The following LAMA5 variants were observed in gnomAD, a reference collection of about 807,000 sequenced individuals.
LAMA5 encodes the protein laminin subunit alpha 5, also known as laminin subunit alpha-5.
LAMA5 carries 260 observed loss-of-function variants against 433.4 expected under a neutral mutation model. That is an observed-to-expected ratio of 0.60 (90% confidence interval 0.54 to 0.66). LAMA5 has a LOEUF of 0.66. Among genes scored for constraint, LAMA5 ranks in the 30% least tolerant of loss-of-function variants. The pLI is 0.00. For missense variants in LAMA5, 5,378 were observed against 5,258.5 expected, an observed-to-expected ratio of 1.02 and a Z score of -0.70; for synonymous variants, 2,620 against 2,226.6, an observed-to-expected ratio of 1.18 and a Z score of -4.97.
In LAMA5 at chr20:62,351,896, ATGGGCAGCTCACCCGGCGGGTGACCG is replaced by A; in HGVS notation, c.845_858+12del. On this transcript the variant is annotated splice_donor_variant and splice_donor_5th_base_variant and coding_sequence_variant and intron_variant, in exon 5 of 80. Transcript: ENST00000252999. LOFTEE classifies it high-confidence loss of function. ...CCAGTCCCCCTCCCCCGCCTGCGCC[ATGGGCAGCTCACCCGGCGGGTGACCG>A]TGGGGTCCCGCAGCGCCTTCCCCAT... 6.3e-7 allele frequency: 1 copy of A among 1,591,186 alleles called. No homozygotes were observed. Among genetic ancestry groups the A allele is most frequent in the Non-Finnish European group, 8.5e-7 (1 of 1,170,276 alleles).
At chr20:62,323,284 G>A (rs539689676) in intron 45 of LAMA5, among the ~76,000 whole-genome samples, 172 bp downstream of exon 45, 3 of 151,840 alleles carry the variant, frequency 2.0e-5, no homozygotes, top group Admixed American at 6.5e-5. Context: ...CGGGAGGACC[G>A]GATCATAGCG....
Position 62,313,080 on chromosome 20 carries a change from T to A in LAMA5, c.8955+8A>T, listed in dbSNP as rs747440753. The A allele has an allele frequency of 6.2e-7, 1 of 1,608,594 alleles. No homozygotes were observed. Among genetic ancestry groups the A allele is most frequent in the African/African-American group, 1.3e-5 (1 of 75,026 alleles). On this transcript the variant is annotated splice_region_variant and intron_variant, in intron 65 of 79. Coordinates refer to ENST00000252999, the MANE Select transcript of LAMA5 (RefSeq NM_005560.6). ...GTGGGGATGGCAGGACGGGTGTGCC[T>A]GGCGCACCTGCTGCTTCAGGAAGAA...
intron 2 of LAMA5, among the ~76,000 whole-genome samples, chr20:62,355,649 T>A (rs1985089636): frequency 6.6e-6 from 1 of 151,900 alleles, no homozygotes; most frequent in Non-Finnish European, 1.5e-5. Context: ...TCTACCTCCC[T>A]GTGGGTGGGG....
Position 62,317,231 on chromosome 20 carries a change from C to G in LAMA5, c.7511+114G>C, listed in dbSNP as rs181366084. ...CGTGGAGCTGAGGAAGGCCTGGCTT[C>G]TTTGAGGACAACGGCCTCAGCCCCT... On this transcript the variant is annotated intron_variant, in intron 55 of 79. Transcript: ENST00000252999. The G allele has an allele frequency of 3.7e-4, 470 of 1,282,952 alleles. 2 individuals carry two copies. In the African/African-American group the frequency reaches 6.4e-3, roughly 17 times the overall value. The allele number at this position is 1,282,952 out of a possible 1,614,324, so 79.5% of individuals were successfully genotyped here.
At chr20:62,340,305 G>GTTTTTTTTTT (rs34415039) in intron 11 of LAMA5, among the ~76,000 whole-genome samples, 5 of 99,464 alleles carry the variant, frequency 5.0e-5, no homozygotes, top group Non-Finnish European at 7.4e-5. Flanking sequence ...AGCCTCCTTT[G>GTTTTTTTTTT]TTTTTTTTTT....
At chr20:62,351,280 A>C in intron 6 of LAMA5, 1 of 247,502 alleles carries the variant, frequency 4.0e-6, no homozygotes, top group Non-Finnish European at 8.0e-6. Context: ...CCCCAAAGTG[A>C]ATTAGGGCTG....
Position 62,336,780 on chromosome 20 carries a change from G to C in LAMA5, c.2171C>G (p.Ser724Cys). 1 of 1,612,682 alleles carries C rather than the reference G, an allele frequency of 6.2e-7. No individual in the cohort carries two copies. Among genetic ancestry groups the C allele is most frequent in the Non-Finnish European group, 8.5e-7 (1 of 1,179,972 alleles). The change falls in exon 17 of 80, where the codon TCT becomes TGT. Residue 724 changes from serine (S) to cysteine (C), a missense_variant. By Grantham distance (112) the Ser-to-Cys change is moderately radical. Transcript: ENST00000252999. ...AYNFPYCEAG[S>C]CHPAGLAPVD... is the part of the protein sequence containing the mutation. ...TGGGGCCAGACCGGCAGGGTGGCAA[G>C]AGCCAGCTGTGAAGAGAGGACCATG... is the stretch of plus-strand genomic sequence containing the variant.
In LAMA5 at chr20:62,333,821, G is replaced by T. The variant is rs1378901587; in HGVS notation, c.2878+80C>A. 1.1e-5 allele frequency: 15 copies of T among 1,425,974 alleles called. No individual in the cohort carries two copies. In the Admixed American group the frequency reaches 3.0e-4, roughly 29 times the overall value. 88.3% of individuals were successfully genotyped at this position (1,425,974 alleles called of 1,614,324 possible). On this transcript the variant is annotated intron_variant, in intron 23 of 79. Transcript: ENST00000252999. ...TACCACCCACATGAGCCAGAGGAAG[G>T]TGGCGGGGCTTGGGAGTGGGGTGGG...
Position 62,333,663 on chromosome 20 carries a change from C to T in LAMA5, c.2922G>A (p.Glu974=). The T allele has an allele frequency of 1.9e-6, 3 of 1,594,646 alleles. No homozygotes were observed. The highest frequency in any genetic ancestry group is 2.6e-6 in the Non-Finnish European group (3 of 1,172,356). ...TCTGGGGCACGGTGATGAAGGCAGGCTCCGTGCTGGGTGGGAAGGCCACGG... is the reference window on the plus strand; with the variant it reads ...TCTGGGGCACGGTGATGAAGGCAGGTTCCGTGCTGGGTGGGAAGGCCACGG... ...SQPVAFPPST[E]PAFITVPQRG... The change falls in exon 24 of 80, where the codon GAG becomes GAA. Residue 974 remains glutamate, a synonymous_variant. Coordinates refer to ENST00000252999, the MANE Select transcript of LAMA5 (RefSeq NM_005560.6).
rs1477221939 is a variant in LAMA5 at position 62,325,418 on chromosome 20, G to A, written c.5427C>T (p.Arg1809=). 1.2e-6 allele frequency: 2 copies of A among 1,612,164 alleles called. No homozygotes were observed. The highest frequency in any genetic ancestry group is 1.7e-5 in the Admixed American group (1 of 59,954). The stretch of plus-strand genomic sequence containing the variant: ...GGCTGGCCACCTCCAGTGCCACCCT[G>A]CGCAGGAAGACAGCCGAGGAGATCT... ...FSQISSAVFL[R]RVALEVASPA... is the part of the protein sequence containing the mutation. Residue 1809 remains arginine, a synonymous_variant, in exon 41 of 80, where the codon CGC becomes CGT. Transcript: ENST00000252999.
intron 48 of LAMA5, 66 bp from the exon 49 acceptor site, chr20:62,320,956 G>A: frequency 2.6e-6 from 4 of 1,530,912 alleles, no homozygotes; most frequent in Non-Finnish European, 3.5e-6. Context: ...GATCAGCTGG[G>A]GCCCTGGGGT....
chr20:62,312,184 G>C lies in LAMA5; in HGVS notation c.9493C>G (p.Arg3165Gly). 1 of 1,610,504 alleles carries C rather than the reference G, an allele frequency of 6.2e-7. No individual in the cohort carries two copies. Among genetic ancestry groups the C allele is most frequent in the Non-Finnish European group, 8.5e-7 (1 of 1,179,170 alleles). Residue 3165 changes from arginine (R) to glycine (G), a missense_variant, in exon 69 of 80, where the codon CGG (arginine) becomes GGG (glycine). By Grantham distance (125) the Arg-to-Gly change is moderately radical. Coordinates refer to ENST00000252999, the MANE Select transcript of LAMA5 (RefSeq NM_005560.6). ...SAQDSALLYY[R>G]ASPDGLCQVS... ...GTGTGAGGTCTCACCGGGGACGCCC[G>C]GTAGTAGAGCAGGGCACTGTCCTGG...
Position 62,310,779 on chromosome 20 carries a change from G to A in LAMA5, c.10332C>T (p.Ala3444=). ...KNRILLVTDG[A]RAWSQEGPHR... ...GCGGCCCCTCCTGGCTCCAGGCCCG[G>A]GCCCCGTCCGTCACCAGCAGGATCC... The change falls in exon 75 of 80, where the codon GCC becomes GCT. Residue 3444 remains alanine (A), a synonymous_variant. Transcript: ENST00000252999. 1 of 1,552,858 alleles carries A rather than the reference G, an allele frequency of 6.4e-7. No individual in the cohort carries two copies. Among genetic ancestry groups the A allele is most frequent in the Non-Finnish European group, 8.7e-7 (1 of 1,149,980 alleles).
rs1383732371 is a variant in LAMA5, at chr20:62,327,749, G to A, written c.4798-80C>T. ...GGTTCCTGGTACCCACCTGCCAATG[G>A]GGATGACTCTCCCAAAAGCTTCTAG... On this transcript the variant is annotated intron_variant, in intron 36 of 79. Coordinates refer to ENST00000252999, the MANE Select transcript of LAMA5 (RefSeq NM_005560.6). 8 of 1,587,324 alleles carry A rather than the reference G, an allele frequency of 5.0e-6. No homozygotes were observed. In the Admixed American group the frequency reaches 1.2e-4, roughly 24 times the overall value.
rs1491444720 is a variant in LAMA5 at position 62,335,756 on chromosome 20, ACT to A, written c.2324-489_2324-488del. Among the ~76,000 whole-genome samples the A allele has an allele frequency of 6.1e-5, 8 of 131,380 alleles. No homozygotes were observed. In the East Asian group the frequency reaches 7.3e-4, roughly 12 times the overall value. 86.2% of individuals were successfully genotyped at this position (131,380 alleles called of 152,430 possible). A position where few individuals can be genotyped will look rare whatever the true frequency, so the allele number is the denominator to read the frequency against. On this transcript the variant is annotated intron_variant, in intron 18 of 79. Transcript: ENST00000252999. ...CCCCGAGGAAACCCCGTACCCCAAC[ACT>A]CTCTCCAGGGCACACTCATGGACTC...
intron 11 of LAMA5, among the ~76,000 whole-genome samples, chr20:62,339,478 C>T (rs528158142): frequency 7.2e-5 from 11 of 151,976 alleles, no homozygotes; most frequent in Non-Finnish European, 1.2e-4. Flanking sequence ...CCACGTGATC[C>T]GCCTGCCTCG....
At chr20:62,365,864 G>A (rs1031120710) in intron 1 of LAMA5, among the ~76,000 whole-genome samples, 1 of 152,138 alleles carries the variant, frequency 6.6e-6, no homozygotes, top group African/African-American at 2.4e-5. Flanking sequence ...CAGAAGCCTG[G>A]GGAGGCTCCT....
rs1195268660 is a variant in LAMA5 at position 62,315,178 on chromosome 20, T to C, written c.7897A>G (p.Lys2633Glu). ...DETSKKIAHA[K>E]AVAAEAQDTA... ...TCCTGGGCTTCAGCAGCCACAGCCT[T>C]GGCATGTGCGATCTTCTTGCTTGTC... The change falls in exon 59 of 80, where the codon AAG becomes GAG. Residue 2633 changes from lysine to glutamate, a missense_variant. Coordinates refer to ENST00000252999, the MANE Select transcript of LAMA5 (RefSeq NM_005560.6). 3 of 1,610,426 alleles carry C rather than the reference T, an allele frequency of 1.9e-6. No homozygotes were observed. Among genetic ancestry groups the C allele is most frequent in the Non-Finnish European group, 2.5e-6 (3 of 1,179,080 alleles).
In LAMA5 at chr20:62,333,437, G is replaced by A. The variant is rs139992490; in HGVS notation, c.3066C>T (p.Leu1022=). The change falls in exon 25 of 80, where the codon CTC becomes CTT. Residue 1022 remains leucine, a synonymous_variant. Coordinates refer to ENST00000252999, the MANE Select transcript of LAMA5 (RefSeq NM_005560.6). The part of the protein sequence containing the change: ...LLPSAYYEAA[L]LQLRVTEACT... ...AGGCCTCAGTCACCCGCAGCTGCAG[G>A]AGCGCCGCCTCGTAGTATGCGCTAG... 2,286 of 1,612,756 alleles carry A rather than the reference G, an allele frequency of 1.4e-3. 5 individuals are homozygous for A. Among genetic ancestry groups the A allele is most frequent in the Non-Finnish European group, 1.7e-3 (1,978 of 1,179,896 alleles).
Sources: gnomAD v4.1 joint callset for allele counts (sites outside exome capture counted in the v4.1 genomes callset) on GRCh38, gnomAD v4.1.1 for gene constraint, MANE v1.5 for transcripts, NCBI Gene and HGNC (gene_info 2026-07-23, HGNC 2026-07-21) for gene names.